Variants in ADRA1B observed in about 807,000 individuals in gnomAD.
ADRA1B encodes the protein adrenoceptor alpha 1B, also known as alpha-1B adrenergic receptor.
ADRA1B carries 17 observed loss-of-function variants against 17.9 expected under a neutral mutation model. The ratio of observed to expected loss-of-function variants is 0.95; its 90% confidence interval spans 0.65 to 1.42. The LOEUF is 1.42. Among genes scored for constraint, ADRA1B ranks in the 40% most tolerant of loss-of-function variants. The pLI is 0.00. For missense variants in ADRA1B, 681 were observed against 722.1 expected, an observed-to-expected ratio of 0.94 and a Z score of 0.65; for synonymous variants, 366 against 327.6, an observed-to-expected ratio of 1.12 and a Z score of -1.27.
At chr5:159,878,013 G>A (rs1477137958) in intron 1 of ADRA1B, among the ~76,000 whole-genome samples, 2 of 152,124 alleles carry the variant, frequency 1.3e-5, no homozygotes, top group Admixed American at 1.3e-4. Context: ...GCCAGATTAG[G>A]TGCTCTGAAA....
At chr5:159,961,893 CT>C (rs985732895) in intron 1 of ADRA1B, among the ~76,000 whole-genome samples, 1 of 152,354 alleles carries the variant, frequency 6.6e-6, no homozygotes, top group Admixed American at 6.5e-5. Flanking sequence ...GTCTCTGAGC[CT>C]GCTCATTGCC....
chr5:159,948,075 C>A (rs1278062558), intron 1 of ADRA1B: 1 of 985,354 alleles, frequency 1.0e-6, no homozygotes. Flanking sequence ...GGAATCCTGA[C>A]TGCAGACCGA....
chr5:159,901,102 A>G (rs1403341348), intron 1 of ADRA1B, among the ~76,000 whole-genome samples: 2 of 151,724 alleles, frequency 1.3e-5, no homozygotes, highest in African/African-American at 4.8e-5. Flanking sequence ...TATTAGACAT[A>G]TAATATATAT....
intron 1 of ADRA1B, among the ~76,000 whole-genome samples, chr5:159,907,437 T>C (rs961685846): frequency 1.3e-5 from 2 of 152,180 alleles, no homozygotes; most frequent in African/African-American, 4.8e-5. Context: ...TCTCAACAAA[T>C]GTTAGCTGTT....
intron 1 of ADRA1B, among the ~76,000 whole-genome samples, chr5:159,890,340 G>T (rs1342205119): frequency 1.3e-5 from 2 of 152,138 alleles, no homozygotes; most frequent in African/African-American, 2.4e-5. Context: ...TACTTGCCCT[G>T]CTCCTCCTAT....
chr5:159,977,409 G>A (rs1755989695), downstream of ADRA1B, among the ~76,000 whole-genome samples: 1 of 152,102 alleles, frequency 6.6e-6, no homozygotes, highest in Non-Finnish European at 1.5e-5. Flanking sequence ...AAAGGTAGAG[G>A]GTGGCCCACT....
intron 1 of ADRA1B, among the ~76,000 whole-genome samples, chr5:159,887,821 A>C (rs955276908): frequency 1.3e-5 from 2 of 152,130 alleles, no homozygotes; most frequent in Admixed American, 1.3e-4. Context: ...TCTAATGCAG[A>C]GTTATAACTA....
At chr5:159,942,126 G>A (rs377734439) in intron 1 of ADRA1B, among the ~76,000 whole-genome samples, 1 of 152,038 alleles carries the variant, frequency 6.6e-6, no homozygotes, top group African/African-American at 2.4e-5. Flanking sequence ...GTTTCACGGT[G>A]TTAGCCAGGA....
chr5:159,883,432 G>C (rs1288509222), intron 1 of ADRA1B, among the ~76,000 whole-genome samples: 3 of 152,204 alleles, frequency 2.0e-5, no homozygotes, highest in African/African-American at 7.2e-5. Context: ...GACTATCCAA[G>C]AATTAGACTC....
intron 1 of ADRA1B, among the ~76,000 whole-genome samples, chr5:159,961,963 C>T (rs753958305): frequency 1.4e-4 from 21 of 152,266 alleles, no homozygotes; most frequent in Middle Eastern, 3.4e-3. Flanking sequence ...GTAAAGTCAG[C>T]GCTTTGGGAG....
At chr5:159,874,570 T>C (rs1753782652) in intron 1 of ADRA1B, among the ~76,000 whole-genome samples, 5 of 152,248 alleles carry the variant, frequency 3.3e-5, no homozygotes. Context: ...TTGGGCTGTA[T>C]ACAGTACATG....
chr5:159,981,662 A>G, the ADRA1B span, among the ~76,000 whole-genome samples: 3 of 151,770 alleles, frequency 2.0e-5, no homozygotes, highest in Non-Finnish European at 4.4e-5. Context: ...CGCCCAGCTT[A>G]TTTTTTCTAT....
At chr5:159,891,386 A>G (rs1753981957) in intron 1 of ADRA1B, among the ~76,000 whole-genome samples, 1 of 152,128 alleles carries the variant, frequency 6.6e-6, no homozygotes, top group East Asian at 1.9e-4. Context: ...ATTTCCACCT[A>G]CTTCAATGCC....
chr5:159,957,506 CAAAA>C (rs201392371), intron 1 of ADRA1B, among the ~76,000 whole-genome samples: 3 of 91,908 alleles, frequency 3.3e-5, no homozygotes, highest in African/African-American at 1.3e-4. Context: ...GACTCTGTCT[CAAAA>C]AAAAAAAAAA....
chr5:159,933,039 C>T (rs1754858312), intron 1 of ADRA1B, among the ~76,000 whole-genome samples: 1 of 151,908 alleles, frequency 6.6e-6, no homozygotes, highest in African/African-American at 2.4e-5. Flanking sequence ...TAAATATTAC[C>T]AGATTGTCTT....
chr5:159,899,461 G>T (rs1754078643), intron 1 of ADRA1B, among the ~76,000 whole-genome samples: 1 of 152,204 alleles, frequency 6.6e-6, no homozygotes, highest in South Asian at 2.1e-4. Flanking sequence ...TGACAGCCAT[G>T]TGTACTGGAG....
chr5:159,976,300 C>G (rs1188525748), downstream of ADRA1B, among the ~76,000 whole-genome samples: 3 of 151,934 alleles, frequency 2.0e-5, no homozygotes, highest in Non-Finnish European at 4.4e-5. Flanking sequence ...TGGTCAGATT[C>G]CAGGTTTTAG....
chr5:159,936,642 G>A (rs1754962799), intron 1 of ADRA1B, among the ~76,000 whole-genome samples: 1 of 150,074 alleles, frequency 6.7e-6, no homozygotes, highest in Non-Finnish European at 1.5e-5. Context: ...CCAAAAATTA[G>A]TTTATTCAAA....
chr5:159,945,667 T>C (rs1035912889), intron 1 of ADRA1B, among the ~76,000 whole-genome samples: 6 of 152,150 alleles, frequency 3.9e-5, no homozygotes, highest in African/African-American at 1.4e-4. Flanking sequence ...GTTAGCATTT[T>C]CTCTAAATGC....
Sources: allele counts gnomAD v4.1 joint callset (sites outside exome capture counted in the v4.1 genomes callset), GRCh38; gene constraint gnomAD v4.1.1; transcripts MANE v1.5; gene names NCBI Gene and HGNC (gene_info 2026-07-23, HGNC 2026-07-21).